Variants in CIMIP6 observed in about 807,000 individuals in gnomAD.
CIMIP6 encodes the protein uncharacterized protein C2orf73.
At chr2:54,363,692 T>C in the CIMIP6 span, among the ~76,000 whole-genome samples, 2 of 152,180 alleles carry the variant, frequency 1.3e-5, no homozygotes, top group African/African-American at 2.4e-5. Flanking sequence ...TCTAACTCTA[T>C]TAAAATGGAT....
At chr2:54,369,610 G>T in the CIMIP6 span, among the ~76,000 whole-genome samples, 1 of 152,182 alleles carries the variant, frequency 6.6e-6, no homozygotes, top group African/African-American at 2.4e-5. Flanking sequence ...AATCAAAATG[G>T]TTGTTTAAAT....
chr2:54,379,976 T>TAAA, the CIMIP6 span, among the ~76,000 whole-genome samples: 2 of 136,720 alleles, frequency 1.5e-5, no homozygotes, highest in African/African-American at 5.3e-5. Context: ...AAAGTCCTTC[T>TAAA]AAAAAAAAAA....
chr2:54,346,692 C>G, the CIMIP6 span, among the ~76,000 whole-genome samples: 1 of 152,196 alleles, frequency 6.6e-6, no homozygotes, highest in Non-Finnish European at 1.5e-5. Flanking sequence ...ACACCTCTAT[C>G]TCCAAAATAG....
At chr2:54,356,978 G>A in the CIMIP6 span, among the ~76,000 whole-genome samples, 1 of 151,890 alleles carries the variant, frequency 6.6e-6, no homozygotes, top group Non-Finnish European at 1.5e-5. Flanking sequence ...TAAAAAAAAT[G>A]GTCATCTTTT....
At chr2:54,354,891 T>A in the CIMIP6 span, among the ~76,000 whole-genome samples, 1 of 152,086 alleles carries the variant, frequency 6.6e-6, no homozygotes, top group Non-Finnish European at 1.5e-5. Flanking sequence ...GGTATAATAC[T>A]TAGAATTTTC....
chr2:54,335,498 T>A, the CIMIP6 span, among the ~76,000 whole-genome samples: 1 of 152,174 alleles, frequency 6.6e-6, no homozygotes, highest in Non-Finnish European at 1.5e-5. Context: ...TAACACATAT[T>A]CCTTTGAGGT....
At chr2:54,358,365 A>G in the CIMIP6 span, among the ~76,000 whole-genome samples, 1 of 152,172 alleles carries the variant, frequency 6.6e-6, no homozygotes, top group Admixed American at 6.5e-5. Flanking sequence ...TTTTCCCTAA[A>G]ATGTATTGGT....
At chr2:54,344,050 T>C in the CIMIP6 span, among the ~76,000 whole-genome samples, 1 of 152,212 alleles carries the variant, frequency 6.6e-6, no homozygotes, top group Non-Finnish European at 1.5e-5. Context: ...AGTGGACAGT[T>C]TGTCTCCAAA....
the CIMIP6 span, among the ~76,000 whole-genome samples, chr2:54,338,740 A>G: frequency 1.3e-5 from 1 of 75,502 alleles, no homozygotes; most frequent in Non-Finnish European, 3.5e-5. Flanking sequence ...GGTTGGTTTT[A>G]TTTGTTTAGA....
the CIMIP6 span, among the ~76,000 whole-genome samples, chr2:54,357,967 C>T: frequency 1.3e-5 from 2 of 152,214 alleles, no homozygotes; most frequent in East Asian, 3.9e-4. Flanking sequence ...AGCAACAGTA[C>T]TGAAAGTTGC....
the CIMIP6 span, among the ~76,000 whole-genome samples, chr2:54,377,925 A>G: frequency 2.0e-5 from 3 of 152,234 alleles, no homozygotes; most frequent in African/African-American, 7.2e-5. Flanking sequence ...ACTTAAAAAT[A>G]GAGCACGTGT....
At chr2:54,363,122 CTT>C in the CIMIP6 span, among the ~76,000 whole-genome samples, 75 of 152,280 alleles carry the variant, frequency 4.9e-4, 1 homozygote, top group Non-Finnish European at 8.2e-4. Context: ...ATTCTATTAA[CTT>C]TTGTTTGTTG....
At chr2:54,358,865 A>G in the CIMIP6 span, 1 of 547,242 alleles carries the variant, frequency 1.8e-6, no homozygotes, top group Non-Finnish European at 3.2e-6. Context: ...TCAAGAATTT[A>G]GTTTTGTTAC....
At chr2:54,331,094 C>T in the CIMIP6 span, 1 of 1,206,790 alleles carries the variant, frequency 8.3e-7, no homozygotes, top group Admixed American at 2.0e-5. Flanking sequence ...CAGTCCAGGC[C>T]AAGCTCAGAC....
chr2:54,359,126 G>C, the CIMIP6 span: 1 of 1,052,804 alleles, frequency 9.5e-7, no homozygotes. Flanking sequence ...TAGATTTGTA[G>C]AACTTTAAGC....
the CIMIP6 span, among the ~76,000 whole-genome samples, chr2:54,345,596 T>C: frequency 1.3e-5 from 2 of 152,192 alleles, no homozygotes; most frequent in Non-Finnish European, 2.9e-5. Flanking sequence ...CTGAACTCCT[T>C]TGAAAGCAAG....
chr2:54,354,995 G>A, the CIMIP6 span, among the ~76,000 whole-genome samples: 1 of 151,740 alleles, frequency 6.6e-6, no homozygotes, highest in East Asian at 1.9e-4. Flanking sequence ...TTCTAGTCTT[G>A]AATTCTTCCT....
At chr2:54,355,498 T>G in the CIMIP6 span, among the ~76,000 whole-genome samples, 3 of 152,202 alleles carry the variant, frequency 2.0e-5, no homozygotes, top group Non-Finnish European at 4.4e-5. Flanking sequence ...TCTTTCAATC[T>G]GAGGTGTTTG....
At chr2:54,356,908 C>T in the CIMIP6 span, among the ~76,000 whole-genome samples, 2 of 152,068 alleles carry the variant, frequency 1.3e-5, no homozygotes, top group African/African-American at 2.4e-5. Context: ...TGTCTATACA[C>T]GAAGTTATGA....
Sources: gnomAD v4.1 joint callset for allele counts (sites outside exome capture counted in the v4.1 genomes callset) on GRCh38, gnomAD v4.1.1 for gene constraint, MANE v1.5 for transcripts, NCBI Gene and HGNC (gene_info 2026-07-23, HGNC 2026-07-21) for gene names.